Variants in RBBP4 observed in about 807,000 individuals in gnomAD.
RBBP4 encodes histone-binding protein RBBP4.
RBBP4 carries 3 observed loss-of-function variants against 57.2 expected under a neutral mutation model. That is an observed-to-expected ratio of 0.05 (90% CI 0.02 to 0.14). RBBP4 has a LOEUF of 0.14. Among genes scored for constraint, RBBP4 ranks in the 10% least tolerant of loss-of-function variants. The pLI is 1.00. For synonymous variants in RBBP4, 151 were observed against 171.5 expected (o/e 0.88, Z 0.93); for missense variants, 107 against 520.6 (o/e 0.21, Z 7.73).
At chr1:32,661,443 CGCCACCATGCCCA>C (rs1174160860) in intron 3 of RBBP4, among the ~76,000 whole-genome samples, 2 of 151,554 alleles carry the variant, frequency 1.3e-5, no homozygotes, top group Non-Finnish European at 2.9e-5. Flanking sequence ...TACAGTCATG[CGCCACCATGCCCA>C]GCTAATTTTG....
Position 32,669,408 on chromosome 1 carries a change from A to G in RBBP4, c.888+51A>G. 6.4e-7 allele frequency: 1 copy of G among 1,571,406 alleles called. No individual in the cohort carries two copies. Among genetic ancestry groups the G allele is most frequent in the South Asian group, 1.2e-5 (1 of 83,464 alleles). On this transcript the variant is annotated intron_variant, in intron 7 of 11. Transcript: ENST00000373493. This position sits in a 1 kb window ranked among gnomAD's most constrained non-coding sequence, Gnocchi z 4.9. ...AACATAATTTCTCTAGGTTTTTTTGAATTGCAGAGATATTTTACTTACAGT... is the reference window on the plus strand; with the variant it reads ...AACATAATTTCTCTAGGTTTTTTTGGATTGCAGAGATATTTTACTTACAGT...
chr1:32,664,304 T>A (rs1648554861), intron 3 of RBBP4, among the ~76,000 whole-genome samples: 1 of 152,170 alleles, frequency 6.6e-6, no homozygotes, highest in African/African-American at 2.4e-5. Context: ...TCTTTATGGT[T>A]TAGGAGGCCT....
At chr1:32,676,630 AAAAAG>A (rs1294365314) in intron 11 of RBBP4, among the ~76,000 whole-genome samples, 4 of 32,468 alleles carry the variant, frequency 1.2e-4, no homozygotes, top group Non-Finnish European at 6.6e-4. Context: ...AAAAAAAAAG[AAAAAG>A]AAAAGCTGTT....
Position 32,682,018 on chromosome 1 carries a change from GAATGGT to G in RBBP4, c.*2314_*2319del, listed in dbSNP as rs1422441304. Reference sequence around the variant, plus strand: ...ATGCCTCCTGTTTGTCAAATAGAATGAATGGTGATGGTGATGGGAGGGATAGTTAAA... The same window carrying G: ...ATGCCTCCTGTTTGTCAAATAGAATGGATGGTGATGGGAGGGATAGTTAAA... On this transcript the variant is annotated 3_prime_UTR_variant, in exon 12 of 12. Transcript: ENST00000373493. 7 of 642,538 alleles carry G rather than the reference GAATGGT, an allele frequency of 1.1e-5. No homozygotes were observed. In the East Asian group the frequency reaches 1.9e-4, roughly 18 times the overall value. The allele number at this position is 642,538 out of a possible 1,614,324, so 39.8% of individuals were successfully genotyped here.
At chr1:32,675,458 T>G (rs528523811) in intron 11 of RBBP4, among the ~76,000 whole-genome samples, 1 of 152,166 alleles carries the variant, frequency 6.6e-6, no homozygotes, top group African/African-American at 2.4e-5. Context: ...CATTCATACT[T>G]TGTAACATTA....
chr1:32,653,652 T>G lies in RBBP4; in HGVS notation c.164+1591T>G, dbSNP rs1648000729. Among the ~76,000 whole-genome samples the G allele has an allele frequency of 9.0e-4, 36 of 40,096 alleles. 2 individuals are homozygous for G. Among genetic ancestry groups the G allele is most frequent in the South Asian group, 1.8e-3 (2 of 1,112 alleles). The allele number at this position is 40,096 out of a possible 152,430, so 26.3% of individuals were successfully genotyped here. ...TTGTTTTCTGGTTTTTTTTTTTTTT[T>G]TTTTTTTGTTTTTGTTTTTTTTTTT... On this transcript the variant is annotated intron_variant, in intron 2 of 11. Coordinates refer to ENST00000373493, the MANE Select transcript of RBBP4 (RefSeq NM_005610.3).
Position 32,672,906 on chromosome 1 carries a change from G to C in RBBP4, c.1212+5G>C. 6.3e-7 allele frequency: 1 copy of C among 1,592,860 alleles called. No individual in the cohort carries two copies. Among genetic ancestry groups the C allele is most frequent in the Non-Finnish European group, 8.6e-7 (1 of 1,162,564 alleles). ...ATCATGCAAGTGTGGCAAATGGTAA[G>C]GGTTTAGTAATTTATTTTGGGGAGG... On this transcript the variant is annotated splice_donor_5th_base_variant and intron_variant, in intron 11 of 11. Transcript: ENST00000373493.
At position 32,672,877 on chromosome 1, in the gene RBBP4, C is replaced by T; in HGVS notation, c.1188C>T (p.Asp396=). The change falls in exon 11 of 12, where the codon GAC becomes GAT. Residue 396 remains aspartate (D), a synonymous_variant. Coordinates refer to ENST00000373493, the MANE Select transcript of RBBP4 (RefSeq NM_005610.3). ...GGGTGATTTGTTCTGTATCAGAAGACAATATCATGCAAGTGTGGCAAATGG... is the reference window on the plus strand; with the variant it reads ...GGGTGATTTGTTCTGTATCAGAAGATAATATCATGCAAGTGTGGCAAATGG... ...EPWVICSVSE[D]NIMQVWQMAE... is the part of the protein sequence containing the mutation. 1 of 1,611,356 alleles carries T rather than the reference C, an allele frequency of 6.2e-7. No homozygotes were observed. The highest frequency in any genetic ancestry group is 2.2e-5 in the East Asian group (1 of 44,852).
intron 8 of RBBP4, 53 bp from the exon 9 acceptor site, chr1:32,672,397 T>C (rs1393641057): frequency 1.5e-6 from 2 of 1,378,466 alleles, no homozygotes; most frequent in Non-Finnish European, 2.0e-6. Context: ...GTGAATTTTT[T>C]CCCTTTATTT....
chr1:32,653,491 A>G (rs907338643), intron 2 of RBBP4, among the ~76,000 whole-genome samples: 1 of 152,166 alleles, frequency 6.6e-6, no homozygotes, highest in Admixed American at 6.6e-5. Context: ...GGCAGAAATT[A>G]TACTAGTAAC....
intron 2 of RBBP4, 97 bp from the exon 3 acceptor site, chr1:32,657,330 C>T: frequency 8.3e-7 from 1 of 1,210,516 alleles, no homozygotes; most frequent in Non-Finnish European, 1.2e-6. Context: ...CTCTTAAAAC[C>T]TGGTTGTATT....
intron 2 of RBBP4, among the ~76,000 whole-genome samples, chr1:32,656,909 TAGTG>T (rs776892663): frequency 1.3e-5 from 2 of 152,194 alleles, no homozygotes; most frequent in East Asian, 1.9e-4. Context: ...AACCTGTTGG[TAGTG>T]AGTGAGTAGT....
chr1:32,657,644 A>C lies in RBBP4; in HGVS notation c.310+72A>C, dbSNP rs11803152. On this transcript the variant is annotated intron_variant, in intron 3 of 11. Transcript: ENST00000373493. Reference sequence around the variant, plus strand: ...TGTTATGTGCACTTTGATAAAGTAAACTCTGACTTTAGAAACAATATTTAA... The same window carrying C: ...TGTTATGTGCACTTTGATAAAGTAACCTCTGACTTTAGAAACAATATTTAA... The C allele has an allele frequency of 0.014, 21,418 of 1,484,182 alleles. 2,474 individuals carry two copies. The African/African-American group carries it at 0.26, about 18-fold the overall frequency. 91.9% of individuals were successfully genotyped at this position (1,484,182 alleles called of 1,614,324 possible).
chr1:32,660,752 T>C (rs1053316493), intron 3 of RBBP4, among the ~76,000 whole-genome samples: 2 of 152,144 alleles, frequency 1.3e-5, no homozygotes, highest in African/African-American at 2.4e-5. Context: ...ATTAAAACTT[T>C]TGTCATTCTG....
intron 3 of RBBP4, among the ~76,000 whole-genome samples, chr1:32,658,697 C>T (rs1480214957): frequency 1.3e-5 from 2 of 151,942 alleles, no homozygotes; most frequent in East Asian, 3.9e-4. Context: ...CAGGCATGCA[C>T]CACCACGCCT....
intron 3 of RBBP4, among the ~76,000 whole-genome samples, chr1:32,664,698 G>A (rs559129750): frequency 2.6e-5 from 4 of 152,080 alleles, no homozygotes; most frequent in South Asian, 2.1e-4. Flanking sequence ...TGATCCACCC[G>A]TCTCGGCCTC....
At chr1:32,651,431 C>T (rs1398461121) in intron 1 of RBBP4, 109 bp downstream of exon 1, 15 of 1,378,332 alleles carry the variant, frequency 1.1e-5, no homozygotes, top group African/African-American at 1.5e-5. Context: ...GTGCAGTCCC[C>T]GGTACTGAAG....
Position 32,679,992 on chromosome 1 carries a change from T to G in RBBP4, c.*287T>G, listed in dbSNP as rs1649320622. ...ATATTATGTGTGATTATTTTTCTTC[T>G]TATGCTATATCCCCAAGTTTTTCAG... On this transcript the variant is annotated 3_prime_UTR_variant, in exon 12 of 12. Transcript: ENST00000373493. 2 of 1,172,558 alleles carry G rather than the reference T, an allele frequency of 1.7e-6. No homozygotes were observed. Among genetic ancestry groups the G allele is most frequent in the Non-Finnish European group, 2.1e-6 (2 of 949,908 alleles). 72.6% of individuals were successfully genotyped at this position (1,172,558 alleles called of 1,614,324 possible). A position where few individuals can be genotyped will look rare whatever the true frequency, so the allele number is the denominator to read the frequency against.
chr1:32,664,076 G>A (rs974470160), intron 3 of RBBP4, among the ~76,000 whole-genome samples: 2 of 151,836 alleles, frequency 1.3e-5, no homozygotes, highest in African/African-American at 4.8e-5. Context: ...ACAGGCGCCC[G>A]CCACCACGCC....
Sources: allele counts gnomAD v4.1 joint callset (sites outside exome capture counted in the v4.1 genomes callset), GRCh38; gene constraint gnomAD v4.1.1; non-coding constraint Gnocchi (gnomAD v3.1); transcripts MANE v1.5; gene names NCBI Gene and HGNC (gene_info 2026-07-23, HGNC 2026-07-21).